CLDN10: variants seen among roughly 807,000 people sequenced by gnomAD.
The protein encoded by CLDN10 is claudin-10.
In CLDN10, 15 loss-of-function variants were observed where a neutral mutation model predicts 22.9. The ratio of observed to expected loss-of-function variants is 0.65; its 90% confidence interval spans 0.44 to 1.01. The LOEUF (loss-of-function observed/expected upper bound fraction) is 1.01, where lower values mean the gene tolerates loss of function less well. Among genes scored for constraint, CLDN10 ranks in the 50% least tolerant of loss-of-function variants. CLDN10 has a pLI of 0.00. For synonymous variants in CLDN10, 114 were observed against 111.4 expected, an observed-to-expected ratio of 1.02 and a Z score of -0.15; for missense variants, 247 against 287.8, an observed-to-expected ratio of 0.86 and a Z score of 1.03.
intron 1 of CLDN10, among the ~76,000 whole-genome samples, chr13:95,452,882 T>C (rs2042445036): frequency 6.6e-6 from 1 of 152,224 alleles, no homozygotes; most frequent in Non-Finnish European, 1.5e-5. Context: ...CTGAATTATT[T>C]TTCCTGTCAG....
chr13:95,436,734 A>C (rs2042276277), intron 1 of CLDN10, among the ~76,000 whole-genome samples: 1 of 152,236 alleles, frequency 6.6e-6, no homozygotes, highest in African/African-American at 2.4e-5. Flanking sequence ...TTTCCAAAGA[A>C]AACGGGGATT....
chr13:95,545,342 G>A (rs900622890), intron 1 of CLDN10, among the ~76,000 whole-genome samples: 9 of 151,858 alleles, frequency 5.9e-5, no homozygotes, highest in African/African-American at 1.4e-4. Context: ...TAAAGAGTTC[G>A]AAACCAGCCT....
chr13:95,494,158 G>A (rs1254463553), intron 1 of CLDN10, among the ~76,000 whole-genome samples: 1 of 152,056 alleles, frequency 6.6e-6, no homozygotes, highest in Non-Finnish European at 1.5e-5. Flanking sequence ...CCTCATAAAA[G>A]ATAGATTCTC....
intron 1 of CLDN10, among the ~76,000 whole-genome samples, chr13:95,488,778 G>A (rs747023633): frequency 2.0e-5 from 3 of 151,928 alleles, no homozygotes; most frequent in Non-Finnish European, 4.4e-5. Flanking sequence ...TCATCCACTT[G>A]TTGATTGATA....
chr13:95,540,728 T>G (rs1474338418), intron 1 of CLDN10, among the ~76,000 whole-genome samples: 1 of 152,242 alleles, frequency 6.6e-6, no homozygotes, highest in Non-Finnish European at 1.5e-5. Context: ...TGATCAAGCC[T>G]GTTAGTCTAA....
At chr13:95,550,871 C>T (rs925445541), upstream of CLDN10, among the ~76,000 whole-genome samples, 1 of 119,192 alleles carries the variant, frequency 8.4e-6, no homozygotes, top group Non-Finnish European at 1.6e-5. Flanking sequence ...GACGGGATTT[C>T]ACCGTGTTAG....
intron 1 of CLDN10, among the ~76,000 whole-genome samples, chr13:95,531,457 TA>T (rs2043341406): frequency 6.6e-6 from 1 of 152,180 alleles, no homozygotes; most frequent in Non-Finnish European, 1.5e-5. Context: ...ATATCCTCAT[TA>T]TTAAACTCTT....
intron 3 of CLDN10, among the ~76,000 whole-genome samples, chr13:95,574,538 G>C (rs1289942604): frequency 6.6e-6 from 1 of 152,198 alleles, no homozygotes; most frequent in Non-Finnish European, 1.5e-5. Flanking sequence ...AGGAGGCTGA[G>C]GTGGGTGGAT....
intron 4 of CLDN10, among the ~76,000 whole-genome samples, 198 bp downstream of exon 4, chr13:95,577,536 G>A (rs2043952486): frequency 6.6e-6 from 1 of 152,166 alleles, no homozygotes; most frequent in Non-Finnish European, 1.5e-5. Context: ...GTAGAAATAA[G>A]GGTCTGAATA....
chr13:95,440,017 G>A (rs868202171), intron 1 of CLDN10, among the ~76,000 whole-genome samples: 9 of 151,728 alleles, frequency 5.9e-5, no homozygotes, highest in Non-Finnish European at 1.3e-4. Context: ...AGGTTCAAGC[G>A]ATTCTCCTGC....
At chr13:95,490,715 C>T (rs924216058) in intron 1 of CLDN10, among the ~76,000 whole-genome samples, 57 of 152,244 alleles carry the variant, frequency 3.7e-4, no homozygotes, top group African/African-American at 1.3e-3. Context: ...AAGTTCCATG[C>T]TCTGTTGAAT....
intron 1 of CLDN10, among the ~76,000 whole-genome samples, chr13:95,461,796 T>A (rs1039892303): frequency 1.3e-5 from 2 of 152,230 alleles, no homozygotes; most frequent in African/African-American, 4.8e-5. Flanking sequence ...GAACTTGTTC[T>A]TAATGAAACA....
intron 3 of CLDN10, among the ~76,000 whole-genome samples, chr13:95,573,491 G>A (rs2043887271): frequency 1.3e-5 from 2 of 152,316 alleles, no homozygotes; most frequent in South Asian, 4.1e-4. Flanking sequence ...CAGAGAATCT[G>A]AAATTTGGAT....
intron 1 of CLDN10, among the ~76,000 whole-genome samples, chr13:95,538,564 G>A (rs938330779): frequency 6.6e-6 from 1 of 152,010 alleles, no homozygotes; most frequent in East Asian, 1.9e-4. Context: ...CCTTCATCAC[G>A]CACCCCATGC....
intron 2 of CLDN10, 28 bp downstream of exon 2, chr13:95,560,321 G>T (rs774703793): frequency 6.2e-7 from 1 of 1,613,472 alleles, no homozygotes; most frequent in Admixed American, 1.7e-5. Context: ...TCCAAACAAG[G>T]TACTTGATGA....
At chr13:95,495,856 A>G (rs930363398) in intron 1 of CLDN10, among the ~76,000 whole-genome samples, 2 of 152,108 alleles carry the variant, frequency 1.3e-5, no homozygotes, top group African/African-American at 4.8e-5. Flanking sequence ...TTCAGCCCAG[A>G]TAACATAATA....
chr13:95,573,026 T>C (rs2043881658), intron 3 of CLDN10, among the ~76,000 whole-genome samples: 1 of 152,220 alleles, frequency 6.6e-6, no homozygotes, highest in Non-Finnish European at 1.5e-5. Context: ...CAGGTTGGTG[T>C]AGCCCTGGCC....
intron 1 of CLDN10, among the ~76,000 whole-genome samples, chr13:95,454,728 C>T (rs1231256510): frequency 2.6e-5 from 4 of 152,152 alleles, no homozygotes; most frequent in African/African-American, 9.7e-5. Flanking sequence ...TTCTTGACTC[C>T]TATGAAAATT....
intron 1 of CLDN10, among the ~76,000 whole-genome samples, chr13:95,436,595 G>A (rs1594516916): frequency 2.0e-5 from 3 of 152,258 alleles, no homozygotes; most frequent in African/African-American, 4.8e-5. Flanking sequence ...CACTGACAAT[G>A]CTTCCCTAAG....
Sources: allele counts gnomAD v4.1 joint callset (sites outside exome capture counted in the v4.1 genomes callset), GRCh38; gene constraint gnomAD v4.1.1; transcripts MANE v1.5; gene names NCBI Gene and HGNC (gene_info 2026-07-23, HGNC 2026-07-21).